Variants in DOCK3 observed in about 807,000 individuals in gnomAD.
DOCK3 encodes the protein dedicator of cytokinesis 3.
In DOCK3, 60 loss-of-function variants were observed where a neutral mutation model predicts 265.6. That is an observed-to-expected ratio of 0.23 (90% CI 0.18 to 0.28). The LOEUF (loss-of-function observed/expected upper bound fraction) is 0.28. Ranked by LOEUF, DOCK3 falls within the 10% of genes least tolerant of loss-of-function variation. The pLI is 1.00. For synonymous variants in DOCK3, 881 were observed against 938.0 expected (o/e 0.94, Z 1.11); for missense variants, 1,981 against 2,594.3 (o/e 0.76, Z 5.14).
rs782093006 is a variant in DOCK3, at chr3:51,381,387, C to T, written c.5921C>T (p.Pro1974Leu). ...PQDPMDPPAL[P>L]PKPYHPRLPA... is the part of the protein sequence containing the mutation. Reference sequence around the variant, plus strand: ...GACCCCATGGACCCGCCTGCGCTGCCGCCCAAGCCCTACCACCCCCGCCTG... The same window carrying T: ...GACCCCATGGACCCGCCTGCGCTGCTGCCCAAGCCCTACCACCCCCGCCTG... Residue 1974 changes from proline (P) to leucine (L), a missense_variant, in exon 53 of 53, where the codon CCG (proline) becomes CTG (leucine). By Grantham distance (98) the Pro-to-Leu change is moderately conservative. Transcript: ENST00000266037. This position sits in a 1 kb window ranked among gnomAD's most constrained non-coding sequence, Gnocchi z 5.6. 32 of 1,612,530 alleles carry T rather than the reference C, an allele frequency of 2.0e-5. No individual in the cohort carries two copies. In the South Asian group the frequency reaches 2.6e-4, roughly 13 times the overall value.
intron 5 of DOCK3, among the ~76,000 whole-genome samples, chr3:51,034,029 GT>G (rs1240506541): frequency 6.6e-6 from 1 of 151,952 alleles, no homozygotes. Context: ...ATGTCTTATC[GT>G]TCTTAGTAGC....
At position 50,841,705 on chromosome 3, in the gene DOCK3, C is replaced by CAAAT; in HGVS notation, c.153_156dup (p.Val53LysfsTer20). 8.3e-7 allele frequency: 1 copy of CAAAT among 1,208,116 alleles called. No homozygotes were observed. The highest frequency in any genetic ancestry group is 1.1e-6 in the Non-Finnish European group (1 of 938,072). 74.8% of individuals were successfully genotyped at this position (1,208,116 alleles called of 1,614,324 possible). ...TACAGAGGAGTTTCAACAAAGAAGC[C>CAAAT]AAATGTGAAGGTAATGAAAAGTTTA... On this transcript the variant is annotated frameshift_variant, in exon 3 of 53. Transcript: ENST00000266037. LOFTEE classifies it high-confidence loss of function.
chr3:51,040,208 C>G, intron 5 of DOCK3, among the ~76,000 whole-genome samples: 1 of 41,672 alleles, frequency 2.4e-5, no homozygotes, highest in Non-Finnish European at 4.3e-5. Flanking sequence ...CTGAAATGTG[C>G]CAGTTTTTTT....
At chr3:50,924,121 C>G (rs897025263) in intron 4 of DOCK3, among the ~76,000 whole-genome samples, 2 of 151,994 alleles carry the variant, frequency 1.3e-5, no homozygotes, top group Non-Finnish European at 2.9e-5. Flanking sequence ...TGCATGTTTC[C>G]CTTGAATTCT....
In DOCK3 at chr3:50,717,280, A is replaced by G. The variant is rs148335525; in HGVS notation, c.37+41980A>G. ...TAAGATAAAGTTACAGATGTTGGACATGTAGAATCTCTGAGTGTACGCACT... is the reference window on the plus strand; with the variant it reads ...TAAGATAAAGTTACAGATGTTGGACGTGTAGAATCTCTGAGTGTACGCACT... On this transcript the variant is annotated intron_variant, in intron 1 of 52. Transcript: ENST00000266037. 3.5e-3 allele frequency among the ~76,000 whole-genome samples: 533 copies of G among 152,328 alleles called. 7 individuals carry two copies. Among genetic ancestry groups the G allele is most frequent in the African/African-American group, 0.012 (502 of 41,580 alleles).
At chr3:51,324,454 C>G (rs1191460128) in intron 32 of DOCK3, among the ~76,000 whole-genome samples, 1 of 152,206 alleles carries the variant, frequency 6.6e-6, no homozygotes, top group Non-Finnish European at 1.5e-5. Flanking sequence ...ATTCCATGCT[C>G]ATGGATAAGA....
At chr3:51,086,483 C>T (rs1386437748) in intron 7 of DOCK3, among the ~76,000 whole-genome samples, 4 of 151,970 alleles carry the variant, frequency 2.6e-5, no homozygotes, top group Non-Finnish European at 5.9e-5. Context: ...AAAAAGGATA[C>T]ATTGTGGCTG....
intron 9 of DOCK3, among the ~76,000 whole-genome samples, chr3:51,142,006 G>A (rs2085089096): frequency 6.9e-6 from 1 of 145,980 alleles, no homozygotes; most frequent in Admixed American, 6.9e-5. Flanking sequence ...TTTCCTGTCT[G>A]TGATAAAACT....
At chr3:51,141,178 C>T (rs1364625813) in intron 9 of DOCK3, among the ~76,000 whole-genome samples, 3 of 113,274 alleles carry the variant, frequency 2.6e-5, no homozygotes, top group Admixed American at 1.0e-4. Context: ...AGAATTTATA[C>T]CTATATTTTC....
intron 2 of DOCK3, among the ~76,000 whole-genome samples, chr3:50,807,737 C>CA (rs2043515946): frequency 6.6e-6 from 1 of 152,122 alleles, no homozygotes; most frequent in South Asian, 2.1e-4. Flanking sequence ...TTGATGGCTA[C>CA]AGTGTCAGTA....
chr3:50,761,331 G>A (rs2040519757), intron 1 of DOCK3, among the ~76,000 whole-genome samples: 1 of 152,122 alleles, frequency 6.6e-6, no homozygotes, highest in Non-Finnish European at 1.5e-5. Context: ...GTGTCCAGTA[G>A]AAGGAAAACT....
chr3:50,998,755 G>A (rs538932048), intron 5 of DOCK3, among the ~76,000 whole-genome samples: 1 of 152,024 alleles, frequency 6.6e-6, no homozygotes, highest in East Asian at 1.9e-4. Context: ...ATAAGCAAAG[G>A]ATTACTGAAA....
chr3:51,106,705 C>A (rs991874417), intron 9 of DOCK3, among the ~76,000 whole-genome samples: 4 of 152,202 alleles, frequency 2.6e-5, no homozygotes, highest in African/African-American at 9.6e-5. Flanking sequence ...TACACACAGT[C>A]CTGCTCCCAC....
chr3:50,909,896 T>A (rs1294733226), intron 4 of DOCK3, among the ~76,000 whole-genome samples: 2 of 152,024 alleles, frequency 1.3e-5, no homozygotes, highest in African/African-American at 4.8e-5. Flanking sequence ...ATCCCATATA[T>A]CTCAGCGGTT....
At chr3:51,353,960 A>G (rs1448483562) in intron 40 of DOCK3, among the ~76,000 whole-genome samples, 4 of 152,240 alleles carry the variant, frequency 2.6e-5, no homozygotes, top group African/African-American at 9.6e-5. Flanking sequence ...AGGCAGAGCA[A>G]GCAGAGTTGG....
Position 51,208,779 on chromosome 3 carries a change from A to G in DOCK3, c.1043A>G (p.Asn348Ser), listed in dbSNP as rs753874891. ...CACCTGTCCTTCTGTTACAGGTGCA[A>G]CAACGAGAGTGAGTGGTCCCAGATC... ...KDFVLKVYTC[N>S]NESEWSQIHE... Residue 348 changes from asparagine to serine, a missense_variant, in exon 13 of 53, where the codon AAC (asparagine) becomes AGC (serine). Coordinates refer to ENST00000266037, the MANE Select transcript of DOCK3 (RefSeq NM_004947.5). 5.6e-6 allele frequency: 9 copies of G among 1,608,740 alleles called. No homozygotes were observed. Among genetic ancestry groups the G allele is most frequent in the Middle Eastern group, 1.6e-4 (1 of 6,078 alleles).
chr3:51,025,527 C>T (rs1214304741), intron 5 of DOCK3, among the ~76,000 whole-genome samples: 4 of 152,104 alleles, frequency 2.6e-5, no homozygotes, highest in African/African-American at 7.2e-5. Flanking sequence ...GCTTTCAGGC[C>T]GCACCCCTCC....
At chr3:51,034,155 C>T (rs1046613708) in intron 5 of DOCK3, among the ~76,000 whole-genome samples, 5 of 151,920 alleles carry the variant, frequency 3.3e-5, no homozygotes, top group Non-Finnish European at 7.4e-5. Context: ...ATGCATTTTC[C>T]GTGAATTTTT....
At chr3:50,995,264 C>G (rs1428570572) in intron 5 of DOCK3, among the ~76,000 whole-genome samples, 1 of 152,132 alleles carries the variant, frequency 6.6e-6, no homozygotes, top group Non-Finnish European at 1.5e-5. Context: ...AACTGTCTGG[C>G]AAGAGTTGCC....
Sources: gnomAD v4.1 joint callset for allele counts (sites outside exome capture counted in the v4.1 genomes callset) on GRCh38, gnomAD v4.1.1 for gene constraint, Gnocchi (gnomAD v3.1) non-coding constraint, MANE v1.5 for transcripts, NCBI Gene and HGNC (gene_info 2026-07-23, HGNC 2026-07-21) for gene names.